CFAP77: variants seen among roughly 807,000 people sequenced by gnomAD.
The protein encoded by CFAP77 is cilia- and flagella-associated protein 77.
In CFAP77, 25 loss-of-function variants were observed where a neutral mutation model predicts 31.1. The ratio of observed to expected loss-of-function variants is 0.80; its 90% CI spans 0.59 to 1.12. The LOEUF is 1.12. Ranked by LOEUF, CFAP77 falls within the 50% of genes most tolerant of loss-of-function variation. CFAP77 has a pLI of 0.00. For synonymous variants in CFAP77, 151 were observed against 159.9 expected, an observed-to-expected ratio of 0.94 and a Z score of 0.42; for missense variants, 377 against 397.3, an observed-to-expected ratio of 0.95 and a Z score of 0.44.
chr9:132,551,617 G>C (rs1012285033), intron 5 of CFAP77, among the ~76,000 whole-genome samples: 3 of 152,322 alleles, frequency 2.0e-5, no homozygotes, highest in Admixed American at 2.0e-4. Flanking sequence ...GCTTTCGTGA[G>C]TTATCCCATT....
In CFAP77 at chr9:132,521,778, T is replaced by TTTTTTTTTTTTTTTTTG. The variant is rs533275755; in HGVS notation, c.525-15817_525-15816insTTTTTTTTTTGTTTTTT. On this transcript the variant is annotated intron_variant, in intron 3 of 5. Transcript: ENST00000393216. ...ATAGACTTGCTTTTTTTTTTTTTTTTTTTTTTGAGATGAAGTCTCACTCTG... is the reference window on the plus strand; with the variant it reads ...ATAGACTTGCTTTTTTTTTTTTTTTTTTTTTTTTTTTTTTTTGTTTTTTGAGATGAAGTCTCACTCTG... Among the ~76,000 whole-genome samples the TTTTTTTTTTTTTTTTTG allele has an allele frequency of 4.3e-3, 453 of 106,136 alleles. 5 individuals are homozygous for TTTTTTTTTTTTTTTTTG. The highest frequency in any genetic ancestry group is 0.012 in the East Asian group (28 of 2,324). 69.6% of individuals were successfully genotyped at this position (106,136 alleles called of 152,430 possible). A position where few individuals can be genotyped will look rare whatever the true frequency, so the allele number is the denominator to read the frequency against.
intron 3 of CFAP77, among the ~76,000 whole-genome samples, chr9:132,531,427 C>T (rs2119040488): frequency 6.6e-6 from 1 of 152,250 alleles, no homozygotes; most frequent in Admixed American, 6.5e-5. Flanking sequence ...GAGGAGCCCT[C>T]TGGGGAGGTG....
intron 5 of CFAP77, among the ~76,000 whole-genome samples, chr9:132,553,508 C>T (rs1852852937): frequency 6.6e-6 from 1 of 152,202 alleles, no homozygotes; most frequent in Admixed American, 6.5e-5. Flanking sequence ...ATAGCAAGCT[C>T]TTTTTCAAGT....
chr9:132,450,307 G>A (rs1042730951), intron 1 of CFAP77, among the ~76,000 whole-genome samples: 18 of 152,176 alleles, frequency 1.2e-4, no homozygotes, highest in African/African-American at 4.1e-4. Flanking sequence ...GAGAAGCAGG[G>A]AAACAGGGAG....
intron 3 of CFAP77, among the ~76,000 whole-genome samples, chr9:132,530,436 CA>C (rs1403350834): frequency 6.6e-6 from 1 of 151,996 alleles, no homozygotes; most frequent in African/African-American, 2.4e-5. Context: ...CCACCATGCC[CA>C]GCTAATTTTG....
chr9:132,453,254 G>C (rs2131716257), intron 1 of CFAP77, among the ~76,000 whole-genome samples: 1 of 152,356 alleles, frequency 6.6e-6, no homozygotes, highest in South Asian at 2.1e-4. Context: ...GCCGGGCGCA[G>C]TGGCTCACAC....
At chr9:132,433,248 A>G (rs1039327383) in intron 1 of CFAP77, among the ~76,000 whole-genome samples, 1 of 152,252 alleles carries the variant, frequency 6.6e-6, no homozygotes, top group African/African-American at 2.4e-5. Flanking sequence ...AGCTAAGTGC[A>G]GAGCTTGCTC....
chr9:132,550,081 T>G (rs1307239585), intron 5 of CFAP77, among the ~76,000 whole-genome samples: 1 of 151,996 alleles, frequency 6.6e-6, no homozygotes, highest in South Asian at 2.1e-4. Flanking sequence ...AGTCTGGGAG[T>G]GTCTGTGGTG....
At chr9:132,533,253 C>T (rs575362801) in intron 3 of CFAP77, among the ~76,000 whole-genome samples, 27 of 152,302 alleles carry the variant, frequency 1.8e-4, no homozygotes, top group Admixed American at 1.4e-3. Context: ...GGTCACTGGC[C>T]GTGTTCTGGA....
intron 3 of CFAP77, among the ~76,000 whole-genome samples, chr9:132,502,953 T>C (rs1189832178): frequency 6.6e-6 from 1 of 152,260 alleles, no homozygotes; most frequent in Non-Finnish European, 1.5e-5. Context: ...GAAAGAACCC[T>C]GAGGATTGAG....
chr9:132,443,055 G>T (rs978226541), intron 1 of CFAP77, among the ~76,000 whole-genome samples: 4 of 151,898 alleles, frequency 2.6e-5, no homozygotes, highest in Admixed American at 6.6e-5. Context: ...TATATAAAGG[G>T]AATCATAACA....
In CFAP77 at chr9:132,572,409, T is replaced by A. The variant is rs764626698; in HGVS notation, c.754T>A (p.Phe252Ile). The stretch of plus-strand genomic sequence containing the variant: ...ACAGGTGGGCCGCCACCTTGATACG[T>A]TCCCCACGGAGGCCGATCGCCAGAG... ...FQKVGRHLDT[F>I]PTEADRQRAL... Residue 252 changes from phenylalanine to isoleucine, a missense_variant, in exon 6 of 6, where the codon TTC (phenylalanine) becomes ATC (isoleucine). Coordinates refer to ENST00000393216, the MANE Select transcript of CFAP77 (RefSeq NM_001282957.2). The A allele has an allele frequency of 6.2e-7, 1 of 1,613,614 alleles. No homozygotes were observed.
chr9:132,430,779 G>A (rs1202426211), intron 1 of CFAP77, among the ~76,000 whole-genome samples: 3 of 151,670 alleles, frequency 2.0e-5, no homozygotes, highest in African/African-American at 7.3e-5. Flanking sequence ...CCCTCCCAGA[G>A]ATAACATTTA....
chr9:132,484,669 T>G (rs998559707), intron 1 of CFAP77, among the ~76,000 whole-genome samples: 9 of 152,130 alleles, frequency 5.9e-5, no homozygotes, highest in Admixed American at 3.9e-4. Flanking sequence ...TGTTGGCTAT[T>G]GTGAATAACG....
At chr9:132,418,573 C>T (rs1193281123) in intron 1 of CFAP77, among the ~76,000 whole-genome samples, 2 of 152,232 alleles carry the variant, frequency 1.3e-5, no homozygotes, top group Non-Finnish European at 2.9e-5. Context: ...TTAAAATCCC[C>T]GCCTTTGAAT....
intron 3 of CFAP77, among the ~76,000 whole-genome samples, chr9:132,520,295 A>T (rs560536812): frequency 1.3e-5 from 2 of 152,262 alleles, no homozygotes; most frequent in Admixed American, 1.3e-4. Context: ...ACAATGATCC[A>T]TGCACAATTT....
At chr9:132,464,795 G>C (rs943810188) in intron 1 of CFAP77, among the ~76,000 whole-genome samples, 5 of 152,086 alleles carry the variant, frequency 3.3e-5, no homozygotes, top group African/African-American at 1.2e-4. Flanking sequence ...CTGTTTCATT[G>C]ACTTGGAAAT....
chr9:132,488,153 G>A (rs966156782), intron 1 of CFAP77, among the ~76,000 whole-genome samples: 1 of 152,218 alleles, frequency 6.6e-6, no homozygotes, highest in Non-Finnish European at 1.5e-5. Context: ...GAGGGTTAAT[G>A]AGCTACACTA....
intron 3 of CFAP77, among the ~76,000 whole-genome samples, chr9:132,519,844 A>ATGGATGGG (rs1852237500): frequency 2.1e-5 from 2 of 93,236 alleles, no homozygotes; most frequent in African/African-American, 9.2e-5. Flanking sequence ...GGATGGATGG[A>ATGGATGGG]TGGGTGGGTG....
Sources: allele counts gnomAD v4.1 joint callset (sites outside exome capture counted in the v4.1 genomes callset), GRCh38; gene constraint gnomAD v4.1.1; transcripts MANE v1.5; gene names NCBI Gene and HGNC (gene_info 2026-07-23, HGNC 2026-07-21).